Variants in CCDC171 observed in about 807,000 individuals in gnomAD.
CCDC171 encodes coiled-coil domain containing 171.
In CCDC171, 177 loss-of-function variants were observed where a neutral mutation model predicts 168.2. That is an observed-to-expected ratio of 1.05 (90% CI 0.93 to 1.19). The LOEUF (loss-of-function observed/expected upper bound fraction) is 1.19. CCDC171 is among the 50% of genes most tolerant of loss of function. CCDC171 has a pLI of 0.00. For missense variants in CCDC171, 1,991 were observed against 1,539.0 expected (o/e 1.29, Z -4.91); for synonymous variants, 687 against 540.8 (o/e 1.27, Z -3.75).
At chr9:15,733,951 T>C (rs1477799256) in intron 16 of CCDC171, among the ~76,000 whole-genome samples, 2 of 152,056 alleles carry the variant, frequency 1.3e-5, no homozygotes, top group African/African-American at 2.4e-5. Context: ...TTTTAAAATT[T>C]TTTTGTAGAG....
chr9:15,581,913 A>C (rs542442638), intron 4 of CCDC171, among the ~76,000 whole-genome samples: 82 of 152,306 alleles, frequency 5.4e-4, no homozygotes, highest in African/African-American at 1.9e-3. Flanking sequence ...ATGGCAACAA[A>C]AGCCAAAATA....
intron 8 of CCDC171, among the ~76,000 whole-genome samples, chr9:15,660,819 T>C (rs1405678151): frequency 6.6e-6 from 1 of 152,234 alleles, no homozygotes; most frequent in South Asian, 2.1e-4. Flanking sequence ...TAGAATGATT[T>C]ATTTTCTTTT....
intron 24 of CCDC171, among the ~76,000 whole-genome samples, chr9:15,916,401 A>G (rs574578342): frequency 2.8e-5 from 2 of 71,552 alleles, no homozygotes; most frequent in South Asian, 5.4e-4. Flanking sequence ...TGTGTTTTAC[A>G]CAATATATTT....
intron 21 of CCDC171, among the ~76,000 whole-genome samples, chr9:15,787,172 C>T (rs953105367): frequency 8.5e-5 from 13 of 152,048 alleles, no homozygotes; most frequent in Admixed American, 2.6e-4. Context: ...TACATGTATG[C>T]ATTGTGGAAT....
chr9:16,009,043 A>G (rs1832785109), intron 3 of CCDC171, among the ~76,000 whole-genome samples: 1 of 151,522 alleles, frequency 6.6e-6, no homozygotes, highest in South Asian at 2.1e-4. Flanking sequence ...ATAATTTTAT[A>G]ATTAATATAA....
chr9:15,588,251 T>C (rs1032148608), intron 4 of CCDC171: 6 of 163,348 alleles, frequency 3.7e-5, no homozygotes, highest in Non-Finnish European at 8.0e-5. Flanking sequence ...TTTAAAAATA[T>C]GGAAGCAGTG....
intron 1 of CCDC171, among the ~76,000 whole-genome samples, chr9:15,557,065 A>G (rs540171735): frequency 1.3e-5 from 2 of 152,134 alleles, no homozygotes; most frequent in African/African-American, 4.8e-5. Context: ...GTGTGGTATT[A>G]TTTCTGAGGG....
intron 24 of CCDC171, among the ~76,000 whole-genome samples, chr9:15,906,539 A>G (rs1257512795): frequency 1.3e-5 from 2 of 152,214 alleles, no homozygotes; most frequent in African/African-American, 2.4e-5. Flanking sequence ...AATAAGAGCT[A>G]TCTATGACAA....
chr9:15,564,896 T>C (rs1176519289), intron 2 of CCDC171, among the ~76,000 whole-genome samples: 2 of 152,206 alleles, frequency 1.3e-5, no homozygotes, highest in African/African-American at 4.8e-5. Context: ...TTAAAAATAA[T>C]GCATTAAATG....
intron 8 of CCDC171, among the ~76,000 whole-genome samples, chr9:15,664,421 G>GT (rs956693613): frequency 3.3e-5 from 5 of 151,682 alleles, no homozygotes; most frequent in African/African-American, 7.3e-5. Flanking sequence ...GCTGATTTTT[G>GT]TTTTTTTTGT....
intron 7 of CCDC171, among the ~76,000 whole-genome samples, chr9:15,649,223 C>T (rs1337869961): frequency 6.6e-6 from 1 of 152,122 alleles, no homozygotes; most frequent in African/African-American, 2.4e-5. Flanking sequence ...GGATTCCTTC[C>T]TTACACCTTA....
At chr9:15,976,236 T>G (rs555118823), downstream of CCDC171, among the ~76,000 whole-genome samples, 2 of 152,286 alleles carry the variant, frequency 1.3e-5, no homozygotes, top group African/African-American at 4.8e-5. Context: ...GTTTAGTAAT[T>G]TTTTTAAAAG....
At chr9:15,744,239 C>T in intron 16 of CCDC171, 34 bp from the exon 17 acceptor site, 1 of 1,506,750 alleles carries the variant, frequency 6.6e-7, no homozygotes, top group South Asian at 1.3e-5. Flanking sequence ...CTGTTTGTTT[C>T]ATGATCAAAT....
chr9:15,920,056 T>G (rs1825104860), intron 24 of CCDC171, among the ~76,000 whole-genome samples: 1 of 151,668 alleles, frequency 6.6e-6, no homozygotes, highest in South Asian at 2.1e-4. Flanking sequence ...TTTAAATAAA[T>G]ACTCTGGAAT....
At chr9:16,027,126 C>T (rs576052313) in intron 6 of CCDC171, among the ~76,000 whole-genome samples, 2 of 152,112 alleles carry the variant, frequency 1.3e-5, no homozygotes, top group African/African-American at 4.8e-5. Context: ...TTGATTTTCC[C>T]CAGAATAATT....
intron 1 of CCDC171, among the ~76,000 whole-genome samples, chr9:16,045,045 T>G (rs1219971169): frequency 2.0e-5 from 3 of 152,232 alleles, no homozygotes; most frequent in Non-Finnish European, 4.4e-5. Flanking sequence ...GTACCTTTGC[T>G]TTGTAAATAT....
intron 21 of CCDC171, among the ~76,000 whole-genome samples, chr9:15,810,001 G>T (rs1375739028): frequency 1.3e-5 from 2 of 152,150 alleles, no homozygotes; most frequent in South Asian, 4.1e-4. Context: ...CAAACCTTTA[G>T]CTAGACACAA....
At chr9:15,873,193 T>C (rs1284747954) in intron 23 of CCDC171, among the ~76,000 whole-genome samples, 1 of 152,052 alleles carries the variant, frequency 6.6e-6, no homozygotes, top group African/African-American at 2.4e-5. Context: ...TATATGTTTG[T>C]GTGTGTTTGC....
At chr9:15,706,326 G>A (rs1363729036) in intron 11 of CCDC171, among the ~76,000 whole-genome samples, 3 of 150,932 alleles carry the variant, frequency 2.0e-5, no homozygotes, top group East Asian at 1.9e-4. Flanking sequence ...ATCTCACTCT[G>A]TTGGTTGGGC....
Sources: allele counts gnomAD v4.1 joint callset (sites outside exome capture counted in the v4.1 genomes callset), GRCh38; gene constraint gnomAD v4.1.1; transcripts MANE v1.5; gene names NCBI Gene and HGNC (gene_info 2026-07-23, HGNC 2026-07-21).